ITGB4: variants seen among roughly 807,000 people sequenced by gnomAD.
The protein encoded by ITGB4 is integrin beta-4.
In ITGB4, 159 loss-of-function variants were observed where a neutral mutation model predicts 207.6. That is an observed-to-expected ratio of 0.77 (90% CI 0.67 to 0.87). The LOEUF is 0.87. Among genes scored for constraint, ITGB4 ranks in the 40% least tolerant of loss-of-function variants. The pLI is 0.00. For missense variants in ITGB4, 2,278 were observed against 2,546.8 expected (o/e 0.89, Z 2.27); for synonymous variants, 1,020 against 1,062.7 (o/e 0.96, Z 0.78).
At position 75,739,765 on chromosome 17, in the gene ITGB4, G is replaced by T; in HGVS notation, c.2254+60G>T. ...CTGACTGCTCTTTCTCTGAGCTGGG[G>T]TGGAGGGAAGCTGAACCTGGAACGG... On this transcript the variant is annotated intron_variant, in intron 19 of 39. Coordinates refer to ENST00000200181, the MANE Select transcript of ITGB4 (RefSeq NM_000213.5). This position sits in a 1 kb window ranked among gnomAD's most constrained non-coding sequence, Gnocchi z 5.4. The T allele has an allele frequency of 6.2e-7, 1 of 1,612,150 alleles. No individual in the cohort carries two copies. Among genetic ancestry groups the T allele is most frequent in the Non-Finnish European group, 8.5e-7 (1 of 1,178,334 alleles).
intron 35 of ITGB4, 52 bp downstream of exon 35, chr17:75,755,902 C>T (rs1193101406): frequency 1.3e-6 from 2 of 1,575,618 alleles, no homozygotes; most frequent in African/African-American, 1.3e-5. Context: ...AAGGCCTGGC[C>T]CCAGTGTGAC....
chr17:75,754,952 A>G, intron 34 of ITGB4, 137 bp downstream of exon 34: 3 of 1,372,334 alleles, frequency 2.2e-6, no homozygotes, highest in Non-Finnish European at 3.0e-6. Flanking sequence ...GCACGCACAC[A>G]CGTGCACACG....
At chr17:75,756,681 T>G (rs1278617985) in intron 36 of ITGB4, 23 bp from the exon 37 acceptor site, 1 of 1,613,406 alleles carries the variant, frequency 6.2e-7, no homozygotes, top group Admixed American at 1.7e-5. Context: ...CACAGGCTGA[T>G]GCTCTTCCTC....
chr17:75,753,204 G>A (rs931010211), intron 32 of ITGB4, among the ~76,000 whole-genome samples: 3 of 152,200 alleles, frequency 2.0e-5, no homozygotes, highest in Admixed American at 6.5e-5. Context: ...TGTCCCTGCC[G>A]ATGCCTCAAG....
In ITGB4 at chr17:75,739,646, T is replaced by TC; in HGVS notation, c.2221-25dup. Reference sequence around the variant, plus strand: ...TGGGCCAGGGCAGCTGTCTCAGGCCTCACCCTCACCCACCTTGTCTCCTAG... The same window carrying TC: ...TGGGCCAGGGCAGCTGTCTCAGGCCTCCACCCTCACCCACCTTGTCTCCTAG... On this transcript the variant is annotated intron_variant, in intron 18 of 39. Coordinates refer to ENST00000200181, the MANE Select transcript of ITGB4 (RefSeq NM_000213.5). The surrounding 1 kb of genome is among the most constrained non-coding windows in gnomAD (Gnocchi z 5.4). 6.2e-7 allele frequency: 1 copy of TC among 1,614,020 alleles called. No homozygotes were observed. Among genetic ancestry groups the TC allele is most frequent in the Non-Finnish European group, 8.5e-7 (1 of 1,179,986 alleles).
At chr17:75,737,277 G>T in intron 16 of ITGB4, 45 bp from the exon 17 acceptor site, 1 of 1,572,352 alleles carries the variant, frequency 6.4e-7, no homozygotes, top group Non-Finnish European at 8.6e-7. Context: ...CCTCTGGGGC[G>T]GAGGGGTGTG....
At chr17:75,751,865 C>T (rs1052516284) in intron 30 of ITGB4, 3 of 458,608 alleles carry the variant, frequency 6.5e-6, no homozygotes, top group East Asian at 4.5e-5. Flanking sequence ...AACCCCTATG[C>T]GTGCCCTTGC....
At position 75,731,733 on chromosome 17, in the gene ITGB4, G is replaced by A. The variant is rs1412600591; in HGVS notation, c.1216-79G>A. On this transcript the variant is annotated intron_variant, in intron 10 of 39. Coordinates refer to ENST00000200181, the MANE Select transcript of ITGB4 (RefSeq NM_000213.5). The surrounding 1 kb of genome is among the most constrained non-coding windows in gnomAD (Gnocchi z 6.8). Reference sequence around the variant, plus strand: ...TCCAGACATCTCCTAGGAACTTGGGGGCCGAGGGCCTTCAGGCATCGATGG... The same window carrying A: ...TCCAGACATCTCCTAGGAACTTGGGAGCCGAGGGCCTTCAGGCATCGATGG... 1 of 1,447,324 alleles carries A rather than the reference G, an allele frequency of 6.9e-7. No homozygotes were observed. The highest frequency in any genetic ancestry group is 9.2e-7 in the Non-Finnish European group (1 of 1,083,054). 89.7% of individuals were successfully genotyped at this position (1,447,324 alleles called of 1,614,324 possible).
chr17:75,741,077 G>C (rs375083103), intron 23 of ITGB4, 72 bp downstream of exon 23: 4 of 1,539,060 alleles, frequency 2.6e-6, no homozygotes, highest in South Asian at 1.1e-5. Flanking sequence ...CCACTGCCTC[G>C]TCCGTCCCTA....
In ITGB4 at chr17:75,750,167, G is replaced by A. The variant is rs147695826; in HGVS notation, c.3373G>A (p.Gly1125Ser). Residue 1125 changes from glycine (G) to serine (S), a missense_variant, in exon 28 of 40, where the codon GGC (glycine) becomes AGC (serine). By Grantham distance (56) the Gly-to-Ser change is moderately conservative (BLOSUM62 0). Transcript: ENST00000200181. The surrounding 1 kb of genome is among the most constrained non-coding windows in gnomAD (Gnocchi z 5.5). ...GTTGTCATCACAGCCACCCCCTCAC[G>A]GCGACCTGGGCGCCCCGCAGAACCC... ...QMLSSQPPPH[G>S]DLGAPQNPNA... 8.4e-5 allele frequency: 136 copies of A among 1,613,698 alleles called. 1 individual carries two copies. The South Asian group carries it at 9.8e-4, about 12-fold the overall frequency.
In ITGB4 at chr17:75,754,824, C is replaced by A. The variant is rs772817902; in HGVS notation, c.4558+9C>A. 1.9e-6 allele frequency: 3 copies of A among 1,613,806 alleles called. No homozygotes were observed. The African/African-American group carries it at 4.0e-5, about 22-fold the overall frequency. On this transcript the variant is annotated intron_variant, in intron 34 of 39. Coordinates refer to ENST00000200181, the MANE Select transcript of ITGB4 (RefSeq NM_000213.5). ...CTCCGTCTCCTCCCACGGTGAGTGA[C>A]CTCAGCCAACCCTGCCTCTCCCACT...
chr17:75,751,111 C>T lies in ITGB4; in HGVS notation c.3793C>T (p.Arg1265Ter), dbSNP rs145202579. ...CTATGGCCTGGTCAACGATGACAAC[C>T]GTAAGAACCAGATCCTTCTTTCCTG... ...VCYGLVNDDN[R>*]PIGPMKKVLV... Residue 1265 changes from arginine to a stop codon, truncating the protein, a stop_gained and splice_region_variant, in exon 30 of 40, where the codon CGA (arginine) becomes TGA (stop). Transcript: ENST00000200181. LOFTEE classifies it high-confidence loss of function. The T allele has an allele frequency of 6.2e-6, 10 of 1,613,180 alleles. No individual in the cohort carries two copies. The highest frequency in any genetic ancestry group is 8.5e-6 in the Non-Finnish European group (10 of 1,180,028).
Position 75,754,959 on chromosome 17 carries a change from C to CAA in ITGB4, c.4558+145_4558+146insAA. On this transcript the variant is annotated intron_variant, in intron 34 of 39. Coordinates refer to ENST00000200181, the MANE Select transcript of ITGB4 (RefSeq NM_000213.5). The stretch of plus-strand genomic sequence containing the variant: ...GCACACATGCACGCACACACGTGCA[C>CAA]ACGCATGCACACATGTACACAGACA... 6.3e-6 allele frequency: 9 copies of CAA among 1,438,898 alleles called. No homozygotes were observed. The Admixed American group carries it at 1.9e-4, about 30-fold the overall frequency. The allele number at this position is 1,438,898 out of a possible 1,614,324, so 89.1% of individuals were successfully genotyped here. A position where few individuals can be genotyped will look rare whatever the true frequency, so the allele number is the denominator to read the frequency against.
chr17:75,743,829 C>G lies in ITGB4; in HGVS notation c.3079C>G (p.Arg1027Gly), dbSNP rs761988708. Residue 1027 changes from arginine to glycine, a missense_variant, in exon 26 of 40, where the codon CGC (arginine) becomes GGC (glycine). Physicochemically the swap from Arg to Gly is moderately radical, Grantham distance 125. Transcript: ENST00000200181. ...CGGCGGGAAGTCCCAGGTCTCCTAC[C>G]GCACACAGGATGGCACCGCGCAGGG... ...LDGGKSQVSY[R>G]TQDGTAQGNR... is the part of the protein sequence containing the mutation. 2 of 1,607,184 alleles carry G rather than the reference C, an allele frequency of 1.2e-6. No homozygotes were observed. The highest frequency in any genetic ancestry group is 3.4e-5 in the Admixed American group (2 of 58,836).
intron 16 of ITGB4, 160 bp downstream of exon 16, chr17:75,736,854 A>T: frequency 1.4e-5 from 11 of 808,508 alleles, no homozygotes; most frequent in Non-Finnish European, 1.8e-5. Context: ...GAACCCAGAT[A>T]GAGGACACCG....
rs772161180 is a variant in ITGB4, at chr17:75,736,220, T to A, written c.1761+66T>A. ...CCCACCCTCTCCAGAGAGAACCCTA[T>A]GGAGAGAGGAGAGGGAGCAGGCAGG... On this transcript the variant is annotated intron_variant, in intron 14 of 39. Coordinates refer to ENST00000200181, the MANE Select transcript of ITGB4 (RefSeq NM_000213.5). 3 of 1,599,736 alleles carry A rather than the reference T, an allele frequency of 1.9e-6. No individual in the cohort carries two copies. The Admixed American group carries it at 5.0e-5, about 27-fold the overall frequency.
At chr17:75,752,127 C>G in intron 30 of ITGB4, 47 bp from the exon 31 acceptor site, 1 of 1,597,814 alleles carries the variant, frequency 6.3e-7, no homozygotes, top group Non-Finnish European at 8.6e-7. Flanking sequence ...GGTGTTGGGA[C>G]CAGGCTGGGA....
intron 27 of ITGB4, 44 bp downstream of exon 27, chr17:75,749,089 G>A: frequency 6.6e-7 from 1 of 1,504,600 alleles, no homozygotes; most frequent in Non-Finnish European, 9.1e-7. Context: ...GGAGAGGGAA[G>A]ACTGGGGGGT....
rs140930313 is a variant in ITGB4, at chr17:75,752,487, G to A, written c.4018G>A (p.Gly1340Arg). 4.0e-5 allele frequency: 65 copies of A among 1,613,568 alleles called. No individual in the cohort carries two copies. Among genetic ancestry groups the A allele is most frequent in the African/African-American group, 2.0e-4 (15 of 74,936 alleles). ...CATCCCTATCGTGGACGCCCAGAGC[G>A]GGGAGGACTACGACAGCTTCCTTAT... ...PDIPIVDAQSGEDYDSFLMYS... is the reference protein window; with the variant it reads ...PDIPIVDAQSREDYDSFLMYS... Residue 1340 changes from glycine to arginine, a missense_variant, in exon 32 of 40, where the codon GGG (glycine) becomes AGG (arginine). Gly to Arg is a moderately radical substitution (Grantham distance 125). Transcript: ENST00000200181.
Sources: allele counts gnomAD v4.1 joint callset (sites outside exome capture counted in the v4.1 genomes callset), GRCh38; gene constraint gnomAD v4.1.1; non-coding constraint Gnocchi (gnomAD v3.1); transcripts MANE v1.5; gene names NCBI Gene and HGNC (gene_info 2026-07-23, HGNC 2026-07-21).